Variants in EPHA5 observed in about 807,000 individuals in gnomAD.
EPHA5 encodes EPH receptor A5, also known as ephrin type-A receptor 5.
EPHA5 carries 60 observed loss-of-function variants against 105.0 expected under a neutral mutation model. The observed-to-expected ratio is 0.57, with a 90% CI of 0.46 to 0.71. The LOEUF (loss-of-function observed/expected upper bound fraction) is 0.71. Ranked by LOEUF, EPHA5 falls within the 30% of genes least tolerant of loss-of-function variation. The probability of loss-of-function intolerance (pLI) is 0.00; values close to 1 mark genes in which losing one functional copy is unlikely to be tolerated. For synonymous variants in EPHA5, 513 were observed against 449.1 expected, an observed-to-expected ratio of 1.14 and a Z score of -1.80; for missense variants, 1,218 against 1,274.7, an observed-to-expected ratio of 0.96 and a Z score of 0.68.
At chr4:65,410,324 G>A (rs1034364940) in intron 7 of EPHA5, among the ~76,000 whole-genome samples, 6 of 152,156 alleles carry the variant, frequency 3.9e-5, no homozygotes, top group South Asian at 2.1e-4. Flanking sequence ...TAAAAGGCAC[G>A]TACTGCATGT....
chr4:65,640,291 T>G (rs916995689), intron 2 of EPHA5, among the ~76,000 whole-genome samples: 78 of 139,350 alleles, frequency 5.6e-4, no homozygotes, highest in Non-Finnish European at 5.7e-4. Context: ...TCTTTTTTTT[T>G]TTTTTTTTTT....
chr4:65,543,771 T>A (rs1354855136), intron 3 of EPHA5, among the ~76,000 whole-genome samples: 1 of 151,920 alleles, frequency 6.6e-6, no homozygotes, highest in East Asian at 1.9e-4. Flanking sequence ...GCCAAGGCAA[T>A]CCTGAGCAAA....
At chr4:65,365,819 T>C in intron 10 of EPHA5, 113 bp downstream of exon 10, 2 of 1,119,694 alleles carry the variant, frequency 1.8e-6, no homozygotes, top group Middle Eastern at 2.2e-4. Context: ...TCACTTTGAA[T>C]GCAAGCCAAT....
Position 65,643,394 on chromosome 4 carries a change from T to C in EPHA5, c.215A>G (p.Asp72Gly). ...TTTTGGAAAAGCAATCCATCCCAGG[T>C]CCCCCATGACAGTGCGTGAATCCAA... Reference protein sequence around the residue: ...NLLDSRTVMGDLGWIAFPKNG... With the variant: ...NLLDSRTVMGGLGWIAFPKNG... Residue 72 changes from aspartate to glycine, a missense_variant, in exon 2 of 17, where the codon GAC becomes GGC. Asp to Gly is a moderately conservative substitution (Grantham distance 94). Coordinates refer to ENST00000613740, the MANE Select transcript of EPHA5 (RefSeq NM_001281766.3). The C allele has an allele frequency of 6.2e-7, 1 of 1,612,850 alleles. No homozygotes were observed. The highest frequency in any genetic ancestry group is 8.5e-7 in the Non-Finnish European group (1 of 1,179,210).
rs530531423 is a variant in EPHA5, at chr4:65,596,044, A to G, written c.910+5597T>C. Reference sequence around the variant, plus strand: ...AAACTACTAGGGCATGCTGCCTCTTACAAGCAGCGTATTTCCCACCATATT... The same window carrying G: ...AAACTACTAGGGCATGCTGCCTCTTGCAAGCAGCGTATTTCCCACCATATT... On this transcript the variant is annotated intron_variant, in intron 3 of 16. Transcript: ENST00000613740. Among the ~76,000 whole-genome samples, 7 of 152,356 alleles carry G rather than the reference A, an allele frequency of 4.6e-5. No individual in the cohort carries two copies. The South Asian group carries it at 1.2e-3, about 27-fold the overall frequency.
intron 16 of EPHA5, among the ~76,000 whole-genome samples, chr4:65,330,165 T>C (rs1720471183): frequency 6.6e-6 from 1 of 151,368 alleles, no homozygotes; most frequent in African/African-American, 2.4e-5. Context: ...CAATGTAACT[T>C]TACTCTTCTG....
intron 3 of EPHA5, among the ~76,000 whole-genome samples, chr4:65,569,520 C>G (rs974819907): frequency 6.6e-6 from 1 of 151,420 alleles, no homozygotes; most frequent in Non-Finnish European, 1.5e-5. Context: ...TTAAACAATA[C>G]AAATATTTCT....
chr4:65,436,369 A>C (rs781705407), intron 5 of EPHA5, among the ~76,000 whole-genome samples: 14 of 150,850 alleles, frequency 9.3e-5, no homozygotes, highest in Non-Finnish European at 1.8e-4. Flanking sequence ...CACACACACA[A>C]AATGTAACTA....
intron 3 of EPHA5, among the ~76,000 whole-genome samples, chr4:65,554,034 C>A (rs1738168337): frequency 6.6e-6 from 1 of 151,560 alleles, no homozygotes; most frequent in African/African-American, 2.4e-5. Flanking sequence ...TATATTGTCT[C>A]TGGTATAAAA....
At chr4:65,489,204 T>A (rs1578235489) in intron 5 of EPHA5, among the ~76,000 whole-genome samples, 1 of 152,112 alleles carries the variant, frequency 6.6e-6, no homozygotes, top group East Asian at 1.9e-4. Context: ...GCCAGCTGCA[T>A]GCTTTTTCTT....
intron 11 of EPHA5, among the ~76,000 whole-genome samples, chr4:65,353,624 T>C (rs914867305): frequency 6.6e-6 from 1 of 151,638 alleles, no homozygotes; most frequent in Admixed American, 6.6e-5. Flanking sequence ...ATAGAAATAA[T>C]GATATAATGT....
At chr4:65,584,169 A>G (rs985185512) in intron 3 of EPHA5, among the ~76,000 whole-genome samples, 1 of 151,820 alleles carries the variant, frequency 6.6e-6, no homozygotes, top group East Asian at 1.9e-4. Flanking sequence ...CAAATGGATA[A>G]GGTATAAACA....
Position 65,323,491 on chromosome 4 carries a change from C to T in EPHA5, c.*623G>A, listed in dbSNP as rs1719797849. The T allele has an allele frequency of 1.3e-5, 3 of 229,936 alleles. No individual in the cohort carries two copies. Among genetic ancestry groups the T allele is most frequent in the Non-Finnish European group, 2.6e-5 (3 of 116,064 alleles). The allele number at this position is 229,936 out of a possible 1,614,324, so 14.2% of individuals were successfully genotyped here. Reference sequence around the variant, plus strand: ...CTCTAGAAGAGCAACTAAAAGTAAACTTTATAACACAAAAAATAAATATAC... The same window carrying T: ...CTCTAGAAGAGCAACTAAAAGTAAATTTTATAACACAAAAAATAAATATAC... On this transcript the variant is annotated 3_prime_UTR_variant, in exon 17 of 17. Transcript: ENST00000613740.
intron 3 of EPHA5, among the ~76,000 whole-genome samples, chr4:65,517,719 T>G (rs537603066): frequency 6.6e-6 from 1 of 152,070 alleles, no homozygotes; most frequent in African/African-American, 2.4e-5. Context: ...TATGTTATTC[T>G]TCAGGTGGAA....
intron 2 of EPHA5, among the ~76,000 whole-genome samples, chr4:65,604,839 A>G (rs1381359150): frequency 6.6e-6 from 1 of 152,156 alleles, no homozygotes; most frequent in Non-Finnish European, 1.5e-5. Flanking sequence ...AGGATATTAC[A>G]GTAACTTAAT....
At chr4:65,568,533 C>G (rs547455698) in intron 3 of EPHA5, among the ~76,000 whole-genome samples, 1 of 150,900 alleles carries the variant, frequency 6.6e-6, no homozygotes, top group Non-Finnish European at 1.5e-5. Context: ...TAATTAACAA[C>G]AACGCATCCC....
rs767324415 is a variant in EPHA5 at position 65,324,103 on chromosome 4, T to A, written c.*11A>T. On this transcript the variant is annotated 3_prime_UTR_variant, in exon 17 of 17. Transcript: ENST00000613740. ...GAATCATTCACTTGAAGAAGCGACA[T>A]TTACATGAAGTTACAATGGCACCAT... is the stretch of plus-strand genomic sequence containing the variant. 7.6e-6 allele frequency: 12 copies of A among 1,582,746 alleles called. No homozygotes were observed. Among genetic ancestry groups the A allele is most frequent in the Admixed American group, 1.7e-5 (1 of 59,364 alleles).
intron 7 of EPHA5, among the ~76,000 whole-genome samples, chr4:65,405,649 G>A (rs1486655535): frequency 2.6e-5 from 4 of 152,052 alleles, no homozygotes; most frequent in Admixed American, 6.6e-5. Flanking sequence ...GCTGTTTTGA[G>A]TAAAACTATT....
At chr4:65,507,587 CT>C (rs1480940977) in intron 3 of EPHA5, among the ~76,000 whole-genome samples, 1 of 152,076 alleles carries the variant, frequency 6.6e-6, no homozygotes, top group Non-Finnish European at 1.5e-5. Flanking sequence ...CTTCACATCC[CT>C]TGTAAGTTGG....
Sources: allele counts gnomAD v4.1 joint callset (sites outside exome capture counted in the v4.1 genomes callset), GRCh38; gene constraint gnomAD v4.1.1; transcripts MANE v1.5; gene names NCBI Gene and HGNC (gene_info 2026-07-23, HGNC 2026-07-21).